Variants in HOGA1 observed in about 807,000 individuals in gnomAD.
HOGA1 encodes the protein 4-hydroxy-2-oxoglutarate aldolase 1, also known as 4-hydroxy-2-oxoglutarate aldolase, mitochondrial.
In HOGA1, 30 loss-of-function variants were observed where a neutral mutation model predicts 34.3. The ratio of observed to expected loss-of-function variants is 0.87; its 90% CI spans 0.65 to 1.19. The LOEUF is 1.19. HOGA1 is among the 50% of genes most tolerant of loss of function. The probability of loss-of-function intolerance (pLI) is 0.00; values close to 1 mark genes in which losing one functional copy is unlikely to be tolerated. For synonymous variants in HOGA1, 161 were observed against 174.0 expected, an observed-to-expected ratio of 0.93 and a Z score of 0.59; for missense variants, 417 against 436.5, an observed-to-expected ratio of 0.96 and a Z score of 0.40.
Position 97,599,687 on chromosome 10 carries a change from A to AT in HOGA1, c.477dup (p.Leu160SerfsTer42). On this transcript the variant is annotated frameshift_variant, in exon 4 of 7. Transcript: ENST00000370646. LOFTEE classifies it high-confidence loss of function. Reference sequence around the variant, plus strand: ...CTGCGCCCCCCTCCCCAGGTTGCTGATCTCTCTCCAATCCCTGTGGTGCTG... The same window carrying AT: ...CTGCGCCCCCCTCCCCAGGTTGCTGATTCTCTCTCCAATCCCTGTGGTGCTG... 6.2e-7 allele frequency: 1 copy of AT among 1,613,902 alleles called. No homozygotes were observed. Among genetic ancestry groups the AT allele is most frequent in the Non-Finnish European group, 8.5e-7 (1 of 1,179,976 alleles).
At chr10:97,592,529 C>T (rs1484403094) in intron 1 of HOGA1, among the ~76,000 whole-genome samples, 1 of 151,658 alleles carries the variant, frequency 6.6e-6, no homozygotes, top group Non-Finnish European at 1.5e-5. Flanking sequence ...TGGGAGCCAC[C>T]GTGCCCAGCC....
chr10:97,586,153 A>G (rs1314390806), intron 1 of HOGA1, among the ~76,000 whole-genome samples: 5 of 143,304 alleles, frequency 3.5e-5, no homozygotes, highest in Non-Finnish European at 7.8e-5. Flanking sequence ...AAAAAAAAAA[A>G]TCAAATCACA....
rs187821943 is a variant in HOGA1 at position 97,584,542 on chromosome 10, G to A, written c.-162G>A. ...CCTGGGGCCTATAGGCCTTGCCCCT[G>A]ACCCTGGGAACACCCAGCTCAGGCC... On this transcript the variant is annotated 5_prime_UTR_variant, in exon 1 of 7. Transcript: ENST00000370646. 141 of 668,168 alleles carry A rather than the reference G, an allele frequency of 2.1e-4. No individual in the cohort carries two copies. The highest frequency in any genetic ancestry group is 2.0e-3 in the African/African-American group (110 of 55,820). 41.4% of individuals were successfully genotyped at this position (668,168 alleles called of 1,614,324 possible).
intron 1 of HOGA1, among the ~76,000 whole-genome samples, chr10:97,596,454 G>A (rs2041072370): frequency 6.6e-6 from 1 of 152,194 alleles, no homozygotes; most frequent in Admixed American, 6.5e-5. Context: ...GGAACAGAGA[G>A]AGTGGCAAGA....
chr10:97,611,406 G>A, intron 6 of HOGA1, 104 bp from the exon 7 acceptor site: 1 of 1,340,528 alleles, frequency 7.5e-7, no homozygotes, highest in Non-Finnish European at 1.1e-6. Context: ...TTTCCTGGGG[G>A]AAGAGGGTAG....
chr10:97,598,280 G>A (rs184594008), intron 1 of HOGA1, among the ~76,000 whole-genome samples: 2 of 152,278 alleles, frequency 1.3e-5, no homozygotes, highest in East Asian at 3.9e-4. Flanking sequence ...GAGCCACCAG[G>A]CCCAGCCAAA....
At chr10:97,600,704 G>T in intron 5 of HOGA1, 1 of 171,506 alleles carries the variant, frequency 5.8e-6, no homozygotes. Flanking sequence ...GATTAGATTT[G>T]AGCCCTGGAG....
intron 1 of HOGA1, chr10:97,590,572 C>A: frequency 6.2e-7 from 1 of 1,606,780 alleles, no homozygotes; most frequent in Admixed American, 1.7e-5. Context: ...GACACTAGAT[C>A]TGTGACTTCT....
At chr10:97,588,004 A>T (rs1430670176) in intron 1 of HOGA1, among the ~76,000 whole-genome samples, 1 of 148,370 alleles carries the variant, frequency 6.7e-6, no homozygotes, top group Non-Finnish European at 1.5e-5. Flanking sequence ...TAGAGATGGG[A>T]TTTTGCCGTG....
intron 1 of HOGA1, among the ~76,000 whole-genome samples, chr10:97,591,547 A>G (rs531476477): frequency 2.3e-4 from 35 of 152,210 alleles, no homozygotes; most frequent in Middle Eastern, 3.4e-3. Context: ...TAAGGTATTT[A>G]TTTAGCCCTG....
At chr10:97,590,763 T>G in intron 1 of HOGA1, 1 of 626,798 alleles carries the variant, frequency 1.6e-6, no homozygotes, top group South Asian at 2.1e-5. Flanking sequence ...ATGAGTGGGG[T>G]CTGCCACAGA....
At chr10:97,590,684 G>C (rs2041014900) in intron 1 of HOGA1, 2 of 1,000,850 alleles carry the variant, frequency 2.0e-6, no homozygotes, top group African/African-American at 1.6e-5. Flanking sequence ...TGCAGGCCAG[G>C]GTGAGATGCT....
Position 97,598,797 on chromosome 10 carries a change from TG to T in HOGA1, c.236del (p.Gly79AlafsTer6). ...FRGFVVQGSN[G>X]EFPFLTSSER... ...CAGGCTTCGTGGTCCAGGGCTCCAA[TG>T]GCGAGTTTCCTTTCCTGACCAGCAG... On this transcript the variant is annotated frameshift_variant, in exon 2 of 7. Coordinates refer to ENST00000370646, the MANE Select transcript of HOGA1 (RefSeq NM_138413.4). LOFTEE classifies it high-confidence loss of function. The T allele has an allele frequency of 1.9e-6, 3 of 1,614,134 alleles. No homozygotes were observed. Among genetic ancestry groups the T allele is most frequent in the Non-Finnish European group, 2.5e-6 (3 of 1,180,014 alleles).
At position 97,598,755 on chromosome 10, in the gene HOGA1, G is replaced by C; in HGVS notation, c.212-20G>C. On this transcript the variant is annotated intron_variant, in intron 1 of 6. Transcript: ENST00000370646. ...TTCGGTAGAGGATGGGAAGGAGTTA[G>C]TCAGCTGTGTCTCTTGCAGGCTTCG... The C allele has an allele frequency of 6.2e-7, 1 of 1,614,226 alleles. No homozygotes were observed.
rs558994909 is a variant in HOGA1 at position 97,608,760 on chromosome 10, C to T, written c.835-2750C>T. ...GGCGGAAGTTGCAGTGAGCCGAGAT[C>T]GTACCACTGCACTCCAGCCTGGGCG... On this transcript the variant is annotated intron_variant, in intron 6 of 6. Coordinates refer to ENST00000370646, the MANE Select transcript of HOGA1 (RefSeq NM_138413.4). Among the ~76,000 whole-genome samples the T allele has an allele frequency of 8.6e-5, 13 of 151,478 alleles. No individual in the cohort carries two copies. In the South Asian group the frequency reaches 1.9e-3, roughly 22 times the overall value.
chr10:97,599,439 C>T (rs2041098560), intron 3 of HOGA1: 2 of 713,918 alleles, frequency 2.8e-6, no homozygotes, highest in African/African-American at 3.5e-5. Flanking sequence ...CATAGGGTTG[C>T]AGTGAGCATT....
intron 6 of HOGA1, among the ~76,000 whole-genome samples, chr10:97,608,045 C>T (rs1046744158): frequency 6.6e-6 from 1 of 152,212 alleles, no homozygotes; most frequent in South Asian, 2.1e-4. Context: ...CACAGTGGCT[C>T]ACACCTGTAA....
In HOGA1 at chr10:97,611,829, A is replaced by G; in HGVS notation, c.*170A>G. The stretch of plus-strand genomic sequence containing the variant: ...CAGCCTTTCACAGGCACGCCCATGC[A>G]TATCTCCTATTCTAACGGCCCCTGA... On this transcript the variant is annotated 3_prime_UTR_variant, in exon 7 of 7. Transcript: ENST00000370646. 4.3e-6 allele frequency: 3 copies of G among 694,010 alleles called. No individual in the cohort carries two copies. Among genetic ancestry groups the G allele is most frequent in the East Asian group, 2.7e-5 (1 of 36,598 alleles). The allele number at this position is 694,010 out of a possible 1,614,324, so 43.0% of individuals were successfully genotyped here.
chr10:97,595,434 C>A (rs1410638059), intron 1 of HOGA1, among the ~76,000 whole-genome samples: 1 of 152,210 alleles, frequency 6.6e-6, no homozygotes, highest in Non-Finnish European at 1.5e-5. Context: ...ATGGCTCATG[C>A]CCATAATCCC....
Sources: gnomAD v4.1 joint callset for allele counts (sites outside exome capture counted in the v4.1 genomes callset) on GRCh38, gnomAD v4.1.1 for gene constraint, MANE v1.5 for transcripts, NCBI Gene and HGNC (gene_info 2026-07-23, HGNC 2026-07-21) for gene names.